SCARB1: variants seen among roughly 807,000 people sequenced by gnomAD.
SCARB1 encodes scavenger receptor class B member 1.
In SCARB1, 30 loss-of-function variants were observed where a neutral mutation model predicts 57.2. That is an observed-to-expected ratio of 0.52 (90% CI 0.39 to 0.71). The LOEUF (loss-of-function observed/expected upper bound fraction) is 0.71. Among genes scored for constraint, SCARB1 ranks in the 30% least tolerant of loss-of-function variants. The pLI is 0.00. For missense variants in SCARB1, 543 were observed against 671.2 expected, an observed-to-expected ratio of 0.81 and a Z score of 2.11; for synonymous variants, 249 against 268.3, an observed-to-expected ratio of 0.93 and a Z score of 0.70.
intron 2 of SCARB1, 115 bp from the exon 3 acceptor site, chr12:124,815,229 C>G: frequency 8.4e-7 from 1 of 1,194,022 alleles, no homozygotes; most frequent in Non-Finnish European, 1.2e-6. Context: ...GTGCACACCT[C>G]CGGCCCCACA....
intron 7 of SCARB1, among the ~76,000 whole-genome samples, chr12:124,804,743 C>T (rs531364835): frequency 7.9e-5 from 12 of 152,338 alleles, no homozygotes; most frequent in Middle Eastern, 3.4e-3. Flanking sequence ...CTGTTGACAG[C>T]CCCTCCTCCT....
At chr12:124,802,120 A>T (rs1950153801) in intron 7 of SCARB1, among the ~76,000 whole-genome samples, 1 of 146,740 alleles carries the variant, frequency 6.8e-6, no homozygotes, top group Non-Finnish European at 1.5e-5. Context: ...ATTGCACTCC[A>T]GCCTTGGCAA....
intron 7 of SCARB1, among the ~76,000 whole-genome samples, chr12:124,805,725 AT>A (rs755476758): frequency 2.1e-3 from 166 of 79,592 alleles, no homozygotes; most frequent in East Asian, 9.2e-3. Flanking sequence ...TGCCTAGCTA[AT>A]TTTTTTTTTT....
In SCARB1 at chr12:124,800,327, G is replaced by T; in HGVS notation, c.1010-85C>A. The T allele has an allele frequency of 1.0e-6, 1 of 985,164 alleles. No individual in the cohort carries two copies. Among genetic ancestry groups the T allele is most frequent in the Non-Finnish European group, 1.6e-6 (1 of 624,332 alleles). 61.0% of individuals were successfully genotyped at this position (985,164 alleles called of 1,614,324 possible). A position where few individuals can be genotyped will look rare whatever the true frequency, so the allele number is the denominator to read the frequency against. ...GGCCGGAGGTCTGCACAGAGCTGTG[G>T]TCTGCAGGGCACCCCCGTGGCGATG... On this transcript the variant is annotated intron_variant, in intron 7 of 12. Coordinates refer to ENST00000261693, the MANE Select transcript of SCARB1 (RefSeq NM_005505.5). The surrounding 1 kb of genome is among the most constrained non-coding windows in gnomAD (Gnocchi z 4.8).
chr12:124,786,051 G>A, intron 11 of SCARB1: 1 of 1,512,946 alleles, frequency 6.6e-7, no homozygotes, highest in Non-Finnish European at 8.8e-7. Context: ...GCATCCCCGG[G>A]TGCTGACTTG....
rs56967385 is a variant in SCARB1, at chr12:124,817,371, A to C, written c.284+179T>G. On this transcript the variant is annotated intron_variant, in intron 2 of 12. Transcript: ENST00000261693. This position sits in a 1 kb window ranked among gnomAD's most constrained non-coding sequence, Gnocchi z 4.8. ...CCATCTCTAAAAAAAAAAAAAAAAA[A>C]AAAAAAAACCCTAAAACAAAAACTT... 1.7e-3 allele frequency among the ~76,000 whole-genome samples: 256 copies of C among 151,120 alleles called. 2 individuals carry two copies. The highest frequency in any genetic ancestry group is 5.6e-3 in the African/African-American group (232 of 41,268).
intron 1 of SCARB1, among the ~76,000 whole-genome samples, chr12:124,831,483 T>C (rs1488215067): frequency 6.6e-6 from 1 of 152,050 alleles, no homozygotes; most frequent in East Asian, 1.9e-4. Flanking sequence ...TCAAGTGGTG[T>C]CGCTAATAAG....
chr12:124,842,464 G>A (rs79438299), intron 1 of SCARB1, among the ~76,000 whole-genome samples: 2,687 of 152,312 alleles, frequency 0.018, 83 homozygotes, highest in African/African-American at 0.06. Context: ...ATATCTCAGC[G>A]GGGCTCTGGC....
At chr12:124,786,990 TAAATA>T (rs1001399669) in intron 10 of SCARB1, among the ~76,000 whole-genome samples, 1 of 152,166 alleles carries the variant, frequency 6.6e-6, no homozygotes, top group Non-Finnish European at 1.5e-5. Flanking sequence ...ATAAATACAG[TAAATA>T]AAATAAAATA....
At chr12:124,799,977 T>C (rs1345953533) in intron 8 of SCARB1, 147 bp downstream of exon 8, 2 of 705,502 alleles carry the variant, frequency 2.8e-6, no homozygotes, top group Non-Finnish European at 5.2e-6. Context: ...CGGGGTGAAG[T>C]AAGGAACTTT....
At chr12:124,795,316 G>A (rs1308181243) in intron 8 of SCARB1, 48 bp from the exon 9 acceptor site, 1 of 1,480,424 alleles carries the variant, frequency 6.8e-7, no homozygotes, top group Admixed American at 1.7e-5. Flanking sequence ...CAAGCTCCAG[G>A]GACACCGTCA....
intron 12 of SCARB1, 139 bp from the exon 13 acceptor site, chr12:124,778,725 G>T: frequency 1.1e-6 from 1 of 878,670 alleles, no homozygotes; most frequent in Non-Finnish European, 1.5e-6. Flanking sequence ...AGTGAGAAGA[G>T]ACTGGAGTCA....
intron 9 of SCARB1, among the ~76,000 whole-genome samples, chr12:124,788,014 T>A (rs1265037129): frequency 1.3e-5 from 2 of 152,186 alleles, no homozygotes; most frequent in Non-Finnish European, 2.9e-5. Context: ...AACTTTATCA[T>A]AGATGTGTGT....
In SCARB1 at chr12:124,807,923, T is replaced by C. The variant is rs1350173045; in HGVS notation, c.847A>G (p.Met283Val). The C allele has an allele frequency of 6.2e-7, 1 of 1,614,098 alleles. No individual in the cohort carries two copies. The highest frequency in any genetic ancestry group is 8.5e-7 in the Non-Finnish European group (1 of 1,179,992). ...EFYSPEACRS[M>V]KLMYKESGVF... is the part of the protein sequence containing the mutation. ...CCTGACTCCTTGTACATTAGCTTCATGGATCTGCAGGGGACAGACAGGATG... is the reference window on the plus strand; with the variant it reads ...CCTGACTCCTTGTACATTAGCTTCACGGATCTGCAGGGGACAGACAGGATG... Residue 283 changes from methionine (M) to valine (V), a missense_variant, in exon 7 of 13, where the codon ATG (methionine) becomes GTG (valine). Met to Val is a conservative substitution (Grantham distance 21, BLOSUM62 1). Transcript: ENST00000261693. This position sits in a 1 kb window ranked among gnomAD's most constrained non-coding sequence, Gnocchi z 5.3.
At chr12:124,780,361 A>G (rs1873207007) in intron 12 of SCARB1, among the ~76,000 whole-genome samples, 1 of 152,182 alleles carries the variant, frequency 6.6e-6, no homozygotes, top group Admixed American at 6.5e-5. Flanking sequence ...TTTCTTATTT[A>G]TATAAAAATA....
intron 1 of SCARB1, among the ~76,000 whole-genome samples, chr12:124,838,311 C>A (rs946715736): frequency 6.6e-6 from 1 of 152,232 alleles, no homozygotes; most frequent in Non-Finnish European, 1.5e-5. Context: ...ACCCCGGTCC[C>A]CTGATATGCC....
chr12:124,792,837 G>A (rs566498661), intron 9 of SCARB1, among the ~76,000 whole-genome samples: 1 of 152,118 alleles, frequency 6.6e-6, no homozygotes, highest in African/African-American at 2.4e-5. Context: ...CAGAGGATGT[G>A]GCCACACTGA....
At chr12:124,806,361 C>T (rs1485045620) in intron 7 of SCARB1, among the ~76,000 whole-genome samples, 1 of 152,170 alleles carries the variant, frequency 6.6e-6, no homozygotes, top group East Asian at 1.9e-4. Context: ...GGGGGTGTCT[C>T]AGGGACTGGC....
rs1345614756 is a variant in SCARB1, at chr12:124,777,080, T to A, written c.*1507A>T. 6.6e-6 allele frequency: 1 copy of A among 152,176 alleles called. No individual in the cohort carries two copies. The highest frequency in any genetic ancestry group is 2.4e-5 in the African/African-American group (1 of 41,438). 9.4% of individuals were successfully genotyped at this position (152,176 alleles called of 1,614,324 possible). On this transcript the variant is annotated 3_prime_UTR_variant, in exon 13 of 13. Coordinates refer to ENST00000261693, the MANE Select transcript of SCARB1 (RefSeq NM_005505.5). Reference sequence around the variant, plus strand: ...AATACCCTCTCCTCTCCTAGTTAGATCCCAGCGGGCACACTTAAATACTGA... The same window carrying A: ...AATACCCTCTCCTCTCCTAGTTAGAACCCAGCGGGCACACTTAAATACTGA...
Sources: gnomAD v4.1 joint callset for allele counts (sites outside exome capture counted in the v4.1 genomes callset) on GRCh38, gnomAD v4.1.1 for gene constraint, Gnocchi (gnomAD v3.1) non-coding constraint, MANE v1.5 for transcripts, NCBI Gene and HGNC (gene_info 2026-07-23, HGNC 2026-07-21) for gene names.